LRP1B: variants seen among roughly 807,000 people sequenced by gnomAD.
LRP1B encodes the protein LDL receptor related protein 1B.
LRP1B carries 217 observed loss-of-function variants against 556.6 expected under a neutral mutation model. That is an observed-to-expected ratio of 0.39 (90% CI 0.35 to 0.44). The LOEUF (loss-of-function observed/expected upper bound fraction) is 0.44. LRP1B is among the 20% of genes least tolerant of loss of function. The pLI, the probability that LRP1B is intolerant of heterozygous loss-of-function variation, is 1.00. For missense variants in LRP1B, 5,053 were observed against 5,620.8 expected (o/e 0.90, Z 3.23); for synonymous variants, 2,047 against 1,865.8 (o/e 1.10, Z -2.50).
At chr2:140,770,582 T>C (rs1254002216) in intron 34 of LRP1B, among the ~76,000 whole-genome samples, 4 of 152,082 alleles carry the variant, frequency 2.6e-5, no homozygotes, top group South Asian at 2.1e-4. Flanking sequence ...CTTTTTACTA[T>C]AATTTTTGCC....
At chr2:141,842,575 G>A (rs1213539409) in intron 1 of LRP1B, among the ~76,000 whole-genome samples, 1 of 152,060 alleles carries the variant, frequency 6.6e-6, no homozygotes, top group South Asian at 2.1e-4. Flanking sequence ...ACACAAAATA[G>A]TGTTAAATGT....
intron 23 of LRP1B, among the ~76,000 whole-genome samples, chr2:140,892,476 C>A (rs780577575): frequency 6.6e-6 from 1 of 152,042 alleles, no homozygotes; most frequent in Non-Finnish European, 1.5e-5. Context: ...CAAACGCAAA[C>A]AAAAGCAATG....
At chr2:140,708,647 T>C (rs542886572) in intron 37 of LRP1B, among the ~76,000 whole-genome samples, 80 of 151,968 alleles carry the variant, frequency 5.3e-4, no homozygotes, top group Non-Finnish European at 8.5e-4. Flanking sequence ...ACTTAACATA[T>C]ACATGTACAT....
At chr2:140,456,902 G>A (rs1687128456) in intron 61 of LRP1B, among the ~76,000 whole-genome samples, 1 of 152,086 alleles carries the variant, frequency 6.6e-6, no homozygotes, top group Non-Finnish European at 1.5e-5. Context: ...TTTGGATGAA[G>A]ACAAACATAT....
At chr2:141,341,894 A>G (rs1275829017) in intron 3 of LRP1B, among the ~76,000 whole-genome samples, 2 of 152,136 alleles carry the variant, frequency 1.3e-5, no homozygotes, top group East Asian at 3.9e-4. Context: ...GGTGTTTATG[A>G]TAGCAGTCAG....
At chr2:140,321,626 G>T (rs1429846510) in intron 82 of LRP1B, among the ~76,000 whole-genome samples, 1 of 151,932 alleles carries the variant, frequency 6.6e-6, no homozygotes, top group Admixed American at 6.6e-5. Context: ...TTTTGGGGCT[G>T]AGTTGAAACC....
chr2:141,771,770 G>A (rs977185122), intron 2 of LRP1B, among the ~76,000 whole-genome samples: 2 of 152,096 alleles, frequency 1.3e-5, no homozygotes, highest in African/African-American at 4.8e-5. Flanking sequence ...TTCTTATATT[G>A]AGAGACATAA....
At chr2:140,517,101 G>C (rs2104940250) in intron 49 of LRP1B, 90 bp from the exon 50 acceptor site, 2 of 889,104 alleles carry the variant, frequency 2.2e-6, no homozygotes, top group Non-Finnish European at 1.8e-6. Flanking sequence ...AACTGAAAGA[G>C]ATAAATAACA....
intron 66 of LRP1B, 34 bp downstream of exon 66, chr2:140,442,470 C>T (rs371534581): frequency 1.3e-5 from 20 of 1,594,776 alleles, no homozygotes; most frequent in Admixed American, 3.6e-5. Context: ...GACTCAAATA[C>T]GGAGAGATAA....
chr2:141,480,462 A>C lies in LRP1B; in HGVS notation c.277T>G (p.Leu93Val). Residue 93 changes from leucine (L) to valine (V), a missense_variant, in exon 3 of 91, where the codon TTA becomes GTA. Around this residue, in one of 5 missense-constraint regions of LRP1B, gnomAD observed 3,619 missense variants for 3,931.9 expected, o/e 0.92. Coordinates refer to ENST00000389484, the MANE Select transcript of LRP1B (RefSeq NM_018557.3). ...AAGACACCATTGCACAGCTGGGATA[A>C]ATGAACACATTTGTTGGTACCAAGG... ...ACLGTNKCVH[L>V]SQLCNGVLDC... 2.5e-6 allele frequency: 4 copies of C among 1,614,006 alleles called. No individual in the cohort carries two copies. The highest frequency in any genetic ancestry group is 3.4e-6 in the Non-Finnish European group (4 of 1,179,940).
At chr2:141,025,312 A>G (rs1362054763) in intron 11 of LRP1B, among the ~76,000 whole-genome samples, 3 of 152,070 alleles carry the variant, frequency 2.0e-5, no homozygotes, top group East Asian at 1.9e-4. Flanking sequence ...ATTCCAAGCT[A>G]TTGTTCTTAT....
At chr2:141,240,083 C>G (rs576545063) in intron 5 of LRP1B, among the ~76,000 whole-genome samples, 1 of 152,100 alleles carries the variant, frequency 6.6e-6, no homozygotes, top group South Asian at 2.1e-4. Context: ...GAGTCATCGA[C>G]AGAGGCTGTG....
intron 1 of LRP1B, among the ~76,000 whole-genome samples, chr2:141,872,426 G>A (rs1386851793): frequency 6.6e-6 from 1 of 151,808 alleles, no homozygotes; most frequent in Non-Finnish European, 1.5e-5. Context: ...AGAGCATTTA[G>A]CAACACAATA....
intron 2 of LRP1B, among the ~76,000 whole-genome samples, chr2:141,547,854 T>C: frequency 6.6e-6 from 1 of 151,400 alleles, no homozygotes. Context: ...TGGGCCTTAT[T>C]GTCTAGTAGA....
chr2:140,835,624 G>A (rs1691871923), intron 31 of LRP1B, among the ~76,000 whole-genome samples: 2 of 152,044 alleles, frequency 1.3e-5, no homozygotes, highest in African/African-American at 4.8e-5. Context: ...TGCAACCTCC[G>A]CCTCCCAGGT....
intron 2 of LRP1B, among the ~76,000 whole-genome samples, chr2:141,610,209 C>T (rs1482286667): frequency 7.0e-6 from 1 of 142,582 alleles, no homozygotes; most frequent in East Asian, 2.1e-4. Flanking sequence ...GGAGATATAC[C>T]TAATGCTAAA....
intron 43 of LRP1B, among the ~76,000 whole-genome samples, chr2:140,565,244 G>T (rs1271942186): frequency 1.2e-5 from 1 of 82,278 alleles, no homozygotes; most frequent in Non-Finnish European, 2.9e-5. Context: ...AACATTTAAA[G>T]ATATGATGAA....
At chr2:141,793,909 T>C (rs1377593359) in intron 2 of LRP1B, among the ~76,000 whole-genome samples, 1 of 151,950 alleles carries the variant, frequency 6.6e-6, no homozygotes, top group East Asian at 1.9e-4. Context: ...CGGAATATTA[T>C]CGAAACTGAA....
chr2:140,735,188 A>G (rs1687906135), intron 35 of LRP1B, among the ~76,000 whole-genome samples: 1 of 152,130 alleles, frequency 6.6e-6, no homozygotes, highest in African/African-American at 2.4e-5. Flanking sequence ...TGCAATTGCT[A>G]AAGATTTCAT....
Sources: allele counts gnomAD v4.1 joint callset (sites outside exome capture counted in the v4.1 genomes callset), GRCh38; gene constraint gnomAD v4.1.1; regional missense constraint gnomAD v4.1.1; transcripts MANE v1.5; gene names NCBI Gene and HGNC (gene_info 2026-07-23, HGNC 2026-07-21).